The following DCLK1 variants were observed in gnomAD, a reference collection of about 807,000 sequenced individuals.
DCLK1 encodes doublecortin like kinase 1, also known as serine/threonine-protein kinase DCLK1.
In DCLK1, 16 loss-of-function variants were observed where a neutral mutation model predicts 86.2. The observed-to-expected ratio is 0.19, with a 90% CI of 0.13 to 0.28. DCLK1 has a LOEUF of 0.28. Ranked by LOEUF, DCLK1 falls within the 10% of genes least tolerant of loss-of-function variation. The pLI is 1.00. For synonymous variants in DCLK1, 369 were observed against 370.5 expected (o/e 1.00, Z 0.05); for missense variants, 590 against 940.2 (o/e 0.63, Z 4.87).
intron 8 of DCLK1, among the ~76,000 whole-genome samples, chr13:35,832,282 A>T (rs775849675): frequency 6.6e-6 from 1 of 152,212 alleles, no homozygotes; most frequent in Non-Finnish European, 1.5e-5. Flanking sequence ...CCTGGGTGAC[A>T]CAGCAAGACC....
rs374867987 is a variant in DCLK1 at position 36,027,063 on chromosome 13, G to A, written c.724-79606C>T. On this transcript the variant is annotated intron_variant, in intron 3 of 16. Coordinates refer to ENST00000360631, the MANE Select transcript of DCLK1 (RefSeq NM_001330071.2). ...ACAAATGATGGGGCTAATATCTAAG[G>A]ATTCAAACTATTTTCACATGGAGAG... Among the ~76,000 whole-genome samples the A allele has an allele frequency of 3.2e-4, 48 of 152,110 alleles. 1 individual carries two copies. The highest frequency in any genetic ancestry group is 2.3e-3 in the East Asian group (12 of 5,182).
intron 9 of DCLK1, 63 bp from the exon 10 acceptor site, chr13:35,827,817 G>C: frequency 6.3e-7 from 1 of 1,588,378 alleles, no homozygotes; most frequent in Admixed American, 1.7e-5. Context: ...TAACTCAAAT[G>C]AGTACAACTA....
At chr13:35,979,678 G>A (rs968722454) in intron 3 of DCLK1, among the ~76,000 whole-genome samples, 4 of 152,314 alleles carry the variant, frequency 2.6e-5, no homozygotes, top group South Asian at 4.1e-4. Context: ...TCCCAGTGGC[G>A]AAAGGCCAAT....
At chr13:35,903,149 T>C (rs74046132) in intron 4 of DCLK1, among the ~76,000 whole-genome samples, 1 of 152,224 alleles carries the variant, frequency 6.6e-6, no homozygotes, top group African/African-American at 2.4e-5. Context: ...CAAAACAAGA[T>C]GTTTTGATTG....
intron 3 of DCLK1, among the ~76,000 whole-genome samples, chr13:35,949,810 G>C (rs1462496250): frequency 6.9e-6 from 1 of 144,852 alleles, no homozygotes; most frequent in African/African-American, 2.5e-5. Flanking sequence ...AACAAACAAT[G>C]ATCCATCTTG....
intron 3 of DCLK1, among the ~76,000 whole-genome samples, chr13:36,089,408 C>G (rs1884736679): frequency 6.6e-6 from 1 of 152,164 alleles, no homozygotes; most frequent in Admixed American, 6.5e-5. Flanking sequence ...TAATATAACT[C>G]TATTTTTGGA....
intron 3 of DCLK1, among the ~76,000 whole-genome samples, chr13:36,012,335 C>T (rs1186132504): frequency 6.6e-6 from 1 of 151,734 alleles, no homozygotes; most frequent in Non-Finnish European, 1.5e-5. Flanking sequence ...ATGGTCTTTA[C>T]ATTTTGGCAT....
At chr13:35,907,826 T>G (rs915825648) in intron 4 of DCLK1, among the ~76,000 whole-genome samples, 1 of 125,980 alleles carries the variant, frequency 7.9e-6, no homozygotes, top group Non-Finnish European at 1.7e-5. Context: ...CAATTTTACA[T>G]CTATGAAAAA....
chr13:36,110,827 A>ATTTTTT (rs869131031), intron 3 of DCLK1, among the ~76,000 whole-genome samples: 2 of 120,172 alleles, frequency 1.7e-5, no homozygotes, highest in Admixed American at 9.5e-5. Flanking sequence ...CATATAATCA[A>ATTTTTT]TTTTTTTTTT....
intron 4 of DCLK1, among the ~76,000 whole-genome samples, chr13:35,901,135 T>C (rs1874330638): frequency 6.6e-6 from 1 of 152,114 alleles, no homozygotes; most frequent in African/African-American, 2.4e-5. Context: ...AGTTCTATAT[T>C]ATGATTCAAA....
intron 8 of DCLK1, among the ~76,000 whole-genome samples, chr13:35,833,371 A>T (rs575795400): frequency 4.0e-4 from 61 of 152,286 alleles, no homozygotes; most frequent in Non-Finnish European, 6.8e-4. Flanking sequence ...CTGACCGCTC[A>T]TTAGAGCTTT....
intron 4 of DCLK1, among the ~76,000 whole-genome samples, chr13:35,903,430 T>C (rs1239313010): frequency 6.6e-6 from 1 of 152,182 alleles, no homozygotes; most frequent in Non-Finnish European, 1.5e-5. Flanking sequence ...TTCCTCTCTC[T>C]CTCTCATTTC....
At chr13:36,027,023 C>T (rs1414338519) in intron 3 of DCLK1, among the ~76,000 whole-genome samples, 2 of 152,118 alleles carry the variant, frequency 1.3e-5, no homozygotes, top group Non-Finnish European at 2.9e-5. Flanking sequence ...TCTAACTTCT[C>T]TGTTTCAAAT....
intron 2 of DCLK1, among the ~76,000 whole-genome samples, chr13:36,113,579 A>G (rs551228136): frequency 5.6e-4 from 85 of 152,254 alleles, no homozygotes; most frequent in African/African-American, 1.9e-3. Context: ...GGGAGTTTTC[A>G]TGGAGTGATG....
At chr13:36,119,845 T>C (rs188645590) in intron 2 of DCLK1, among the ~76,000 whole-genome samples, 1 of 152,308 alleles carries the variant, frequency 6.6e-6, no homozygotes, top group African/African-American at 2.4e-5. Context: ...GAAAGCCAAA[T>C]GAGGCCTGTA....
chr13:36,043,850 C>A (rs776874041), intron 3 of DCLK1, among the ~76,000 whole-genome samples: 36 of 152,198 alleles, frequency 2.4e-4, no homozygotes, highest in Non-Finnish European at 3.7e-4. Context: ...TACATGTATC[C>A]TTTGTTAGGA....
rs776883245 is a variant in DCLK1 at position 35,970,650 on chromosome 13, TG to T, written c.724-23194del. ...GGATGCAGCCTTTAAGGTGCCATCC[TG>T]GGAGTGGAAACTGGACCCTTACCAG... On this transcript the variant is annotated intron_variant, in intron 3 of 16. Coordinates refer to ENST00000360631, the MANE Select transcript of DCLK1 (RefSeq NM_001330071.2). Among the ~76,000 whole-genome samples, 167 of 152,302 alleles carry T rather than the reference TG, an allele frequency of 1.1e-3. 1 individual carries two copies. Among genetic ancestry groups the T allele is most frequent in the Non-Finnish European group, 6.8e-4 (46 of 68,022 alleles).
At chr13:35,808,565 T>C (rs962040942) in intron 13 of DCLK1, among the ~76,000 whole-genome samples, 3 of 152,188 alleles carry the variant, frequency 2.0e-5, no homozygotes, top group African/African-American at 7.2e-5. Flanking sequence ...GGTAGATCAC[T>C]TGAAGTCAGG....
chr13:35,952,890 G>A (rs1877781244), intron 3 of DCLK1, among the ~76,000 whole-genome samples: 1 of 152,132 alleles, frequency 6.6e-6, no homozygotes, highest in Non-Finnish European at 1.5e-5. Context: ...TGCCAGATGT[G>A]CTGGGAAAAG....
Sources: allele counts gnomAD v4.1 joint callset (sites outside exome capture counted in the v4.1 genomes callset), GRCh38; gene constraint gnomAD v4.1.1; transcripts MANE v1.5; gene names NCBI Gene and HGNC (gene_info 2026-07-23, HGNC 2026-07-21).